The following TTC28 variants were observed in gnomAD, a reference collection of about 807,000 sequenced individuals.
TTC28 encodes the protein tetratricopeptide repeat domain 28, also known as tetratricopeptide repeat protein 28.
A neutral mutation model predicts 198.0 loss-of-function variants in TTC28; 61 were observed. The ratio of observed to expected loss-of-function variants is 0.31; its 90% CI spans 0.25 to 0.38. TTC28 has a LOEUF of 0.38. TTC28 is among the 10% of genes least tolerant of loss of function. The pLI is 1.00. For missense variants in TTC28, 2,678 were observed against 3,164.0 expected (o/e 0.85, Z 3.69); for synonymous variants, 1,171 against 1,297.8 (o/e 0.90, Z 2.10).
intron 5 of TTC28, among the ~76,000 whole-genome samples, chr22:28,196,235 T>C (rs1273963014): frequency 6.6e-6 from 1 of 152,148 alleles, no homozygotes; most frequent in East Asian, 1.9e-4. Flanking sequence ...GCTAGCCATA[T>C]GTAGAAAGCT....
chr22:28,008,322 T>G (rs1938008226), intron 14 of TTC28: 1 of 152,228 alleles, frequency 6.6e-6, no homozygotes, highest in Admixed American at 6.5e-5. Flanking sequence ...CTTTCACTCT[T>G]AGATGAGAAG....
At position 28,239,627 on chromosome 22, in the gene TTC28, T is replaced by C. The variant is rs185212316; in HGVS notation, c.933+56571A>G. On this transcript the variant is annotated intron_variant, in intron 5 of 22. Transcript: ENST00000397906. Reference sequence around the variant, plus strand: ...TAGTCTAGCATGAGAGCATGAAGCCTATGGAGAACACAGACACAGAGAGGT... The same window carrying C: ...TAGTCTAGCATGAGAGCATGAAGCCCATGGAGAACACAGACACAGAGAGGT... Among the ~76,000 whole-genome samples, 8 of 152,300 alleles carry C rather than the reference T, an allele frequency of 5.3e-5. No homozygotes were observed. In the East Asian group the frequency reaches 1.5e-3, roughly 29 times the overall value.
At chr22:28,179,605 T>C (rs1923515352) in intron 5 of TTC28, among the ~76,000 whole-genome samples, 1 of 152,188 alleles carries the variant, frequency 6.6e-6, no homozygotes, top group African/African-American at 2.4e-5. Context: ...CAGGTAAAGC[T>C]TTAGAAATCA....
intron 12 of TTC28, among the ~76,000 whole-genome samples, chr22:28,060,976 A>G (rs551515983): frequency 1.3e-5 from 2 of 152,272 alleles, no homozygotes; most frequent in African/African-American, 4.8e-5. Flanking sequence ...GCCAGTGAGG[A>G]TGAGCATTTT....
chr22:28,400,070 A>G (rs752275972), intron 2 of TTC28, among the ~76,000 whole-genome samples: 11 of 152,362 alleles, frequency 7.2e-5, no homozygotes, highest in Middle Eastern at 3.4e-3. Flanking sequence ...TGCATTTTCA[A>G]CAAAATATTT....
intron 2 of TTC28, among the ~76,000 whole-genome samples, chr22:28,408,375 G>A (rs1384975590): frequency 6.6e-6 from 1 of 151,778 alleles, no homozygotes; most frequent in Non-Finnish European, 1.5e-5. Context: ...AAAACACTAT[G>A]ATGAAAAAGT....
At chr22:28,163,979 G>T (rs779069913) in intron 5 of TTC28, among the ~76,000 whole-genome samples, 1 of 152,164 alleles carries the variant, frequency 6.6e-6, no homozygotes, top group African/African-American at 2.4e-5. Context: ...CTTAACAAAC[G>T]GCACACCAGG....
chr22:28,169,621 C>G (rs1345129166), intron 5 of TTC28, among the ~76,000 whole-genome samples: 11 of 151,844 alleles, frequency 7.2e-5, no homozygotes, highest in Admixed American at 6.6e-4. Context: ...ACTGAACAAT[C>G]AGAACACATG....
At chr22:28,213,671 G>A (rs1040763919) in intron 5 of TTC28, among the ~76,000 whole-genome samples, 4 of 146,914 alleles carry the variant, frequency 2.7e-5, no homozygotes, top group Non-Finnish European at 6.0e-5. Context: ...TCCGGGATAG[G>A]AAGAATCAAT....
chr22:28,229,028 C>T (rs928280077), intron 5 of TTC28, among the ~76,000 whole-genome samples: 5 of 151,914 alleles, frequency 3.3e-5, no homozygotes, highest in African/African-American at 7.3e-5. Flanking sequence ...TGGTGGCACA[C>T]GCCTGTAGTC....
At chr22:28,515,699 T>C (rs1297864153) in intron 2 of TTC28, among the ~76,000 whole-genome samples, 1 of 152,176 alleles carries the variant, frequency 6.6e-6, no homozygotes, top group Non-Finnish European at 1.5e-5. Flanking sequence ...CCACTATACA[T>C]GGCATATGCA....
At chr22:28,462,778 G>A (rs959722147) in intron 2 of TTC28, among the ~76,000 whole-genome samples, 4 of 152,092 alleles carry the variant, frequency 2.6e-5, no homozygotes, top group South Asian at 4.1e-4. Context: ...ATTTTAGCAT[G>A]CAACAGAATC....
intron 2 of TTC28, among the ~76,000 whole-genome samples, chr22:28,394,212 T>C (rs931090658): frequency 6.6e-6 from 1 of 152,196 alleles, no homozygotes; most frequent in Non-Finnish European, 1.5e-5. Flanking sequence ...AGATTTTGAG[T>C]GGTCTGCACC....
chr22:28,453,182 A>G lies in TTC28; in HGVS notation c.382-146539T>C, dbSNP rs575839947. Among the ~76,000 whole-genome samples the G allele has an allele frequency of 2.9e-3, 447 of 152,320 alleles. 2 individuals carry two copies. The highest frequency in any genetic ancestry group is 1.0e-2 in the African/African-American group (415 of 41,558). The stretch of plus-strand genomic sequence containing the variant: ...CTATGAGCCACTCAACATCTTTTCA[A>G]TAAAGTCTCCTTTCAACAAAAACAG... On this transcript the variant is annotated intron_variant, in intron 2 of 22. Coordinates refer to ENST00000397906, the MANE Select transcript of TTC28 (RefSeq NM_001145418.2).
At chr22:28,521,621 G>T (rs2048911180) in intron 2 of TTC28, among the ~76,000 whole-genome samples, 3 of 152,124 alleles carry the variant, frequency 2.0e-5, no homozygotes, top group Non-Finnish European at 4.4e-5. Context: ...GATTGCTTCT[G>T]GAAAACATAA....
chr22:28,511,449 A>G (rs1420517768), intron 2 of TTC28, among the ~76,000 whole-genome samples: 1 of 152,234 alleles, frequency 6.6e-6, no homozygotes, highest in East Asian at 1.9e-4. Context: ...AGAAATGGCT[A>G]GCCATATGCA....
chr22:28,562,254 C>T (rs932263946), intron 2 of TTC28, among the ~76,000 whole-genome samples: 1 of 152,062 alleles, frequency 6.6e-6, no homozygotes, highest in African/African-American at 2.4e-5. Flanking sequence ...AAATGGCTTC[C>T]TAGAGGACTA....
intron 5 of TTC28, among the ~76,000 whole-genome samples, chr22:28,203,407 T>C (rs962733616): frequency 1.3e-5 from 2 of 152,172 alleles, no homozygotes; most frequent in African/African-American, 2.4e-5. Context: ...GCTATTTTTA[T>C]TGTAACCTGT....
At chr22:28,148,948 C>G (rs1221747190) in intron 6 of TTC28, among the ~76,000 whole-genome samples, 1 of 152,180 alleles carries the variant, frequency 6.6e-6, no homozygotes, top group Non-Finnish European at 1.5e-5. Flanking sequence ...TAGTTCTTAG[C>G]TCTCATCATC....
Sources: gnomAD v4.1 joint callset for allele counts (sites outside exome capture counted in the v4.1 genomes callset) on GRCh38, gnomAD v4.1.1 for gene constraint, MANE v1.5 for transcripts, NCBI Gene and HGNC (gene_info 2026-07-23, HGNC 2026-07-21) for gene names.